The following UBE3C variants were observed in gnomAD, a reference collection of about 807,000 sequenced individuals.
UBE3C encodes ubiquitin-protein ligase E3C.
A neutral mutation model predicts 129.4 loss-of-function variants in UBE3C; 42 were observed. The ratio of observed to expected loss-of-function variants is 0.32; its 90% CI spans 0.25 to 0.42. UBE3C has a LOEUF of 0.42. Ranked by LOEUF, UBE3C falls within the 10% of genes least tolerant of loss-of-function variation. UBE3C has a pLI of 1.00. For missense variants in UBE3C, 1,049 were observed against 1,319.1 expected (o/e 0.80, Z 3.17); for synonymous variants, 510 against 492.4 (o/e 1.04, Z -0.47).
At chr7:157,254,401 T>A (rs10250482) in intron 21 of UBE3C, 91 bp downstream of exon 21, 32,509 of 253,250 alleles carry the variant, frequency 0.13, 1,347 homozygotes, top group African/African-American at 0.42. Flanking sequence ...TTAATTTATT[T>A]ATTTTTTTTT....
At chr7:157,261,292 G>A (rs993709399) in intron 22 of UBE3C, among the ~76,000 whole-genome samples, 23 of 90,508 alleles carry the variant, frequency 2.5e-4, no homozygotes, top group Admixed American at 1.5e-3. Context: ...GGCAACAAGA[G>A]CAAAACTCTG....
intron 1 of UBE3C, among the ~76,000 whole-genome samples, chr7:157,160,128 G>T (rs1326849353): frequency 6.6e-6 from 1 of 150,996 alleles, no homozygotes; most frequent in East Asian, 1.9e-4. Context: ...AGGCTGGAGT[G>T]CAGTGGCATG....
At chr7:157,229,204 G>A (rs1563065848) in intron 17 of UBE3C, among the ~76,000 whole-genome samples, 1 of 152,172 alleles carries the variant, frequency 6.6e-6, no homozygotes, top group Non-Finnish European at 1.5e-5. Flanking sequence ...CATTCTTAGG[G>A]AAAGATAAAG....
chr7:157,174,059 G>A (rs80138126), intron 4 of UBE3C, among the ~76,000 whole-genome samples: 5,057 of 152,278 alleles, frequency 0.033, 266 homozygotes, highest in African/African-American at 0.11. Flanking sequence ...TTTATGACTA[G>A]CTACACTTAA....
At chr7:157,238,649 G>A (rs1796215770) in intron 18 of UBE3C, among the ~76,000 whole-genome samples, 1 of 152,048 alleles carries the variant, frequency 6.6e-6, no homozygotes, top group Non-Finnish European at 1.5e-5. Flanking sequence ...TTGAGGATAG[G>A]GGCCTCAAGT....
At chr7:157,178,582 A>G (rs1808585836) in intron 5 of UBE3C, 108 bp from the exon 6 acceptor site, 20 of 1,132,076 alleles carry the variant, frequency 1.8e-5, no homozygotes, top group Non-Finnish European at 2.5e-5. Flanking sequence ...TTCAGAGATA[A>G]TCTTGTACTG....
intron 18 of UBE3C, among the ~76,000 whole-genome samples, chr7:157,243,349 CTG>C (rs1796395391): frequency 6.6e-6 from 1 of 152,204 alleles, no homozygotes; most frequent in Non-Finnish European, 1.5e-5. Context: ...TGGGCAGCCT[CTG>C]TAGAGAAGTA....
In UBE3C at chr7:157,178,730, C is replaced by T; in HGVS notation, c.499C>T (p.Leu167Phe). ...NCNDDSLNVA[L>F]PMRMLEVFSS... ...TAATGATGACAGTTTGAATGTTGCA[C>T]TTCCAATGAGAATGCTTGAAGTATT... is the stretch of plus-strand genomic sequence containing the variant. The change falls in exon 6 of 23, where the codon CTT (leucine) becomes TTT (phenylalanine). Residue 167 changes from leucine to phenylalanine, a missense_variant. By Grantham distance (22) the Leu-to-Phe change is conservative (BLOSUM62 0). Transcript: ENST00000348165. The T allele has an allele frequency of 6.2e-7, 1 of 1,614,180 alleles. No homozygotes were observed. Among genetic ancestry groups the T allele is most frequent in the Non-Finnish European group, 8.5e-7 (1 of 1,180,020 alleles).
At chr7:157,224,429 C>T (rs1490463834) in intron 16 of UBE3C, among the ~76,000 whole-genome samples, 4 of 152,036 alleles carry the variant, frequency 2.6e-5, no homozygotes, top group South Asian at 4.2e-4. Context: ...CTCCTGACCT[C>T]GTGATCTGCC....
intron 11 of UBE3C, among the ~76,000 whole-genome samples, chr7:157,203,690 G>A (rs962154612): frequency 6.6e-6 from 1 of 152,122 alleles, no homozygotes; most frequent in African/African-American, 2.4e-5. Context: ...TTATGATAGG[G>A]TAGTTTTACA....
intron 1 of UBE3C, among the ~76,000 whole-genome samples, chr7:157,154,362 A>G (rs1166330708): frequency 6.6e-6 from 1 of 152,052 alleles, no homozygotes; most frequent in Non-Finnish European, 1.5e-5. Context: ...AGTATCCATG[A>G]AATCATCTTC....
At chr7:157,159,061 G>C (rs1431852582) in intron 1 of UBE3C, among the ~76,000 whole-genome samples, 2 of 152,172 alleles carry the variant, frequency 1.3e-5, no homozygotes, top group African/African-American at 4.8e-5. Context: ...TAATTCTCTA[G>C]CCTTGTGAAG....
intron 18 of UBE3C, chr7:157,231,780 G>T: frequency 6.2e-6 from 1 of 160,804 alleles, no homozygotes; most frequent in Non-Finnish European, 1.4e-5. Context: ...CCAGCTATAA[G>T]AAATGGATTT....
chr7:157,265,102 T>C (rs1481561192), intron 22 of UBE3C, among the ~76,000 whole-genome samples: 1 of 152,248 alleles, frequency 6.6e-6, no homozygotes, highest in Non-Finnish European at 1.5e-5. Context: ...AATTATCATG[T>C]GCATCTCTAA....
At chr7:157,220,481 A>G (rs947449088) in intron 14 of UBE3C, among the ~76,000 whole-genome samples, 1 of 152,256 alleles carries the variant, frequency 6.6e-6, no homozygotes, top group East Asian at 1.9e-4. Context: ...ATATTAGAAA[A>G]CATAGTTAAC....
chr7:157,262,295 A>G (rs184239807), intron 22 of UBE3C, among the ~76,000 whole-genome samples: 86 of 151,720 alleles, frequency 5.7e-4, no homozygotes, highest in African/African-American at 1.8e-3. Context: ...AAAAAAGACA[A>G]TGGATTTTAG....
intron 14 of UBE3C, among the ~76,000 whole-genome samples, chr7:157,219,323 T>C (rs759446173): frequency 6.6e-6 from 1 of 152,176 alleles, no homozygotes; most frequent in Non-Finnish European, 1.5e-5. Context: ...AAGTCCCTTA[T>C]CTCATCACCA....
At chr7:157,212,254 A>G (rs767465310) in intron 13 of UBE3C, among the ~76,000 whole-genome samples, 3 of 152,204 alleles carry the variant, frequency 2.0e-5, no homozygotes, top group Admixed American at 6.5e-5. Flanking sequence ...CAGATTTTAC[A>G]TATCACATTT....
intron 10 of UBE3C, among the ~76,000 whole-genome samples, chr7:157,190,770 T>C (rs1254075094): frequency 6.6e-6 from 1 of 152,252 alleles, no homozygotes; most frequent in Non-Finnish European, 1.5e-5. Context: ...AGTATCCCCT[T>C]GTTATCAAGC....
Sources: allele counts gnomAD v4.1 joint callset (sites outside exome capture counted in the v4.1 genomes callset), GRCh38; gene constraint gnomAD v4.1.1; transcripts MANE v1.5; gene names NCBI Gene and HGNC (gene_info 2026-07-23, HGNC 2026-07-21).